Variants in MACROD2 observed in about 807,000 individuals in gnomAD.
MACROD2 encodes ADP-ribose glycohydrolase MACROD2.
Under a neutral mutation model 70.4 loss-of-function variants are expected in MACROD2, and 36 were observed. The observed-to-expected ratio is 0.51, with a 90% CI of 0.39 to 0.68. The LOEUF (loss-of-function observed/expected upper bound fraction) is 0.68, where lower values mean the gene tolerates loss of function less well. MACROD2 is among the 30% of genes least tolerant of loss of function. The pLI is 0.00. For missense variants in MACROD2, 496 were observed against 538.4 expected (o/e 0.92, Z 0.78); for synonymous variants, 172 against 178.8 (o/e 0.96, Z 0.30).
At chr20:15,441,068 T>G (rs113005600) in intron 7 of MACROD2, among the ~76,000 whole-genome samples, 319 of 152,296 alleles carry the variant, frequency 2.1e-3, no homozygotes, top group African/African-American at 7.2e-3. Context: ...AATATCACTT[T>G]ATGAGCTAAC....
chr20:14,784,668 TG>T (rs3045608), intron 5 of MACROD2, among the ~76,000 whole-genome samples: 35,214 of 94,564 alleles, frequency 0.37, 7,153 homozygotes, highest in South Asian at 0.57. Flanking sequence ...GTGTTTTAAG[TG>T]GGGGGGGGGG....
In MACROD2 at chr20:14,991,190, T is replaced by C. The variant is rs767664344; in HGVS notation, c.419-238750T>C. On this transcript the variant is annotated intron_variant, in intron 5 of 17. Transcript: ENST00000684519. ...CTTCTTAAGCCTTGAATGATGTCAGTGCAAACACCAAGTGAAAAAAAAAAT... is the reference window on the plus strand; with the variant it reads ...CTTCTTAAGCCTTGAATGATGTCAGCGCAAACACCAAGTGAAAAAAAAAAT... Among the ~76,000 whole-genome samples, 6 of 152,152 alleles carry C rather than the reference T, an allele frequency of 3.9e-5. No individual in the cohort carries two copies. The East Asian group carries it at 1.2e-3, about 29-fold the overall frequency.
chr20:15,741,670 G>A (rs959409478), intron 8 of MACROD2, among the ~76,000 whole-genome samples: 7 of 152,050 alleles, frequency 4.6e-5, no homozygotes, highest in Non-Finnish European at 8.8e-5. Flanking sequence ...CACTCCAATA[G>A]CTCCTTAATC....
At chr20:15,233,252 C>T (rs908384290) in intron 6 of MACROD2, among the ~76,000 whole-genome samples, 2 of 152,020 alleles carry the variant, frequency 1.3e-5, no homozygotes, top group Non-Finnish European at 2.9e-5. Context: ...AATTAATTTT[C>T]TAATACATTA....
intron 8 of MACROD2, among the ~76,000 whole-genome samples, chr20:15,546,201 C>T (rs1412055728): frequency 6.6e-6 from 1 of 152,142 alleles, no homozygotes; most frequent in Non-Finnish European, 1.5e-5. Flanking sequence ...ACCGAGATTG[C>T]ACCATTGCAC....
intron 3 of MACROD2, among the ~76,000 whole-genome samples, chr20:14,474,329 A>G (rs2084564910): frequency 6.6e-6 from 1 of 152,176 alleles, no homozygotes; most frequent in Admixed American, 6.5e-5. Flanking sequence ...CATTGTGGCC[A>G]GAAATGTTAT....
intron 3 of MACROD2, among the ~76,000 whole-genome samples, chr20:14,160,823 C>A (rs1601295285): frequency 6.6e-6 from 1 of 151,722 alleles, no homozygotes; most frequent in East Asian, 1.9e-4. Flanking sequence ...TATTTGAAAT[C>A]TTTATACTTT....
intron 2 of MACROD2, chr20:14,003,600 C>A: frequency 4.6e-6 from 2 of 435,904 alleles, no homozygotes; most frequent in Admixed American, 2.7e-5. Flanking sequence ...ACGTGAGCAT[C>A]ATGGAACCCA....
intron 5 of MACROD2, among the ~76,000 whole-genome samples, chr20:14,808,053 A>G (rs529096241): frequency 6.6e-6 from 1 of 152,230 alleles, no homozygotes; most frequent in South Asian, 2.1e-4. Flanking sequence ...TCCCCAACCG[A>G]GCAAGACAGG....
At chr20:14,907,939 A>G (rs2073978981) in intron 5 of MACROD2, among the ~76,000 whole-genome samples, 1 of 152,228 alleles carries the variant, frequency 6.6e-6, no homozygotes, top group African/African-American at 2.4e-5. Context: ...TGCACACATA[A>G]TTACTTTTGC....
chr20:15,448,021 C>T (rs1265510646), intron 7 of MACROD2, among the ~76,000 whole-genome samples: 12 of 152,120 alleles, frequency 7.9e-5, no homozygotes. Context: ...ATCTCTGCCT[C>T]CCCTTTCCTT....
intron 8 of MACROD2, among the ~76,000 whole-genome samples, chr20:15,720,985 T>C (rs1158939931): frequency 6.6e-6 from 1 of 152,206 alleles, no homozygotes; most frequent in African/African-American, 2.4e-5. Context: ...TCCACTGAAC[T>C]TTGGTCAGAT....
At chr20:14,871,368 A>G (rs879898324) in intron 5 of MACROD2, among the ~76,000 whole-genome samples, 2 of 152,168 alleles carry the variant, frequency 1.3e-5, no homozygotes, top group Admixed American at 1.3e-4. Flanking sequence ...GCCAATATTT[A>G]ACGTTCTTGA....
chr20:15,647,666 C>G (rs1251008819), intron 8 of MACROD2, among the ~76,000 whole-genome samples: 3 of 151,128 alleles, frequency 2.0e-5, no homozygotes, highest in Non-Finnish European at 4.4e-5. Flanking sequence ...CTGATAGGGT[C>G]TGGATGAATA....
chr20:15,047,699 G>A (rs576280048), intron 5 of MACROD2, among the ~76,000 whole-genome samples: 3 of 152,240 alleles, frequency 2.0e-5, no homozygotes, highest in Non-Finnish European at 4.4e-5. Flanking sequence ...CTTCTGATTG[G>A]ACAGAGTTTA....
chr20:14,076,594 G>A (rs1362091761), intron 2 of MACROD2, among the ~76,000 whole-genome samples: 7 of 152,124 alleles, frequency 4.6e-5, no homozygotes, highest in South Asian at 2.1e-4. Context: ...TGGGAGGAAC[G>A]CTTGAGCCCG....
intron 5 of MACROD2, among the ~76,000 whole-genome samples, chr20:15,027,732 A>T (rs185620333): frequency 6.6e-6 from 1 of 151,884 alleles, no homozygotes; most frequent in Non-Finnish European, 1.5e-5. Context: ...AAATGAAAAA[A>T]AATTTCTTAT....
rs1475353000 is a variant in MACROD2 at position 15,030,982 on chromosome 20, C to T, written c.419-198958C>T. Among the ~76,000 whole-genome samples the T allele has an allele frequency of 2.0e-5, 3 of 152,276 alleles. No homozygotes were observed. The East Asian group carries it at 5.8e-4, about 29-fold the overall frequency. Reference sequence around the variant, plus strand: ...GGCCCATCAGGGTGCACTTGGCTCGCGCTACCAGCCCAGATCCCACACCTG... The same window carrying T: ...GGCCCATCAGGGTGCACTTGGCTCGTGCTACCAGCCCAGATCCCACACCTG... On this transcript the variant is annotated intron_variant, in intron 5 of 17. Transcript: ENST00000684519.
At chr20:15,825,765 G>A (rs1180023680) in intron 8 of MACROD2, among the ~76,000 whole-genome samples, 3 of 152,078 alleles carry the variant, frequency 2.0e-5, no homozygotes, top group South Asian at 2.1e-4. Flanking sequence ...ATTCAGAGAC[G>A]CTGTAGTTCT....
Sources: gnomAD v4.1 joint callset for allele counts (sites outside exome capture counted in the v4.1 genomes callset) on GRCh38, gnomAD v4.1.1 for gene constraint, MANE v1.5 for transcripts, NCBI Gene and HGNC (gene_info 2026-07-23, HGNC 2026-07-21) for gene names.